FNIP1: variants seen among roughly 807,000 people sequenced by gnomAD.
FNIP1 encodes folliculin-interacting protein 1.
FNIP1 carries 40 observed loss-of-function variants against 124.5 expected under a neutral mutation model. That is an observed-to-expected ratio of 0.32 (90% CI 0.25 to 0.42). The LOEUF (loss-of-function observed/expected upper bound fraction) is 0.42. Ranked by LOEUF, FNIP1 falls within the 10% of genes least tolerant of loss-of-function variation. FNIP1 has a pLI of 1.00. For synonymous variants in FNIP1, 472 were observed against 470.6 expected (o/e 1.00, Z -0.04); for missense variants, 1,176 against 1,403.7 (o/e 0.84, Z 2.59).
chr5:131,747,078 T>G (rs1770708780), intron 1 of FNIP1, among the ~76,000 whole-genome samples: 1 of 152,230 alleles, frequency 6.6e-6, no homozygotes, highest in South Asian at 2.1e-4. Context: ...TGTCTTCTTT[T>G]GAGAACTGTC....
intron 15 of FNIP1, among the ~76,000 whole-genome samples, chr5:131,661,911 G>C (rs1384494022): frequency 6.6e-6 from 1 of 152,174 alleles, no homozygotes; most frequent in Non-Finnish European, 1.5e-5. Context: ...TAGTGATTCT[G>C]GTGTACTTTT....
At chr5:131,792,801 G>C (rs994804396) in intron 1 of FNIP1, among the ~76,000 whole-genome samples, 3 of 152,134 alleles carry the variant, frequency 2.0e-5, no homozygotes, top group African/African-American at 7.2e-5. Flanking sequence ...TTTATGTTTA[G>C]ACTTAGGTCC....
chr5:131,775,315 A>G (rs984793117), intron 1 of FNIP1, among the ~76,000 whole-genome samples: 4 of 152,154 alleles, frequency 2.6e-5, no homozygotes, highest in African/African-American at 9.7e-5. Context: ...AGAAAGTTGA[A>G]TAATCTTTCC....
At chr5:131,693,291 T>C (rs1226651194) in intron 11 of FNIP1, among the ~76,000 whole-genome samples, 1 of 35,480 alleles carries the variant, frequency 2.8e-5, no homozygotes, top group Non-Finnish European at 5.7e-5. Context: ...AATAGCTAAA[T>C]ATATACATAT....
At chr5:131,685,864 T>C (rs1412057714) in intron 11 of FNIP1, among the ~76,000 whole-genome samples, 2 of 152,172 alleles carry the variant, frequency 1.3e-5, no homozygotes, top group Non-Finnish European at 2.9e-5. Flanking sequence ...TAACTTTTCA[T>C]AGTTCTCAAA....
At chr5:131,740,995 G>C (rs886573646) in intron 2 of FNIP1, among the ~76,000 whole-genome samples, 6 of 152,158 alleles carry the variant, frequency 3.9e-5, no homozygotes, top group African/African-American at 1.4e-4. Flanking sequence ...AAAAATGGGA[G>C]GCATGAATAA....
At chr5:131,735,587 C>T (rs1770269851) in intron 2 of FNIP1, among the ~76,000 whole-genome samples, 1 of 147,172 alleles carries the variant, frequency 6.8e-6, no homozygotes, top group Non-Finnish European at 1.5e-5. Context: ...TACATATACA[C>T]GTATTTATAT....
chr5:131,750,767 C>A (rs1329606367), intron 1 of FNIP1, among the ~76,000 whole-genome samples: 1 of 152,044 alleles, frequency 6.6e-6, no homozygotes, highest in Non-Finnish European at 1.5e-5. Flanking sequence ...TATGTGCCAC[C>A]ACGCCCAGCT....
At position 131,672,824 on chromosome 5, in the gene FNIP1, A is replaced by C. The variant is rs1005478652; in HGVS notation, c.1620T>G (p.Thr540=). ...DMVQRLLYFL[T]YFIRCSELQE... The stretch of plus-strand genomic sequence containing the variant: ...GAAGTTCAGAGCATCTTATAAAATA[A>C]GTAAGAAAATAAAGTAGCCTCTGGA... The change falls in exon 14 of 18, where the codon ACT becomes ACG. Residue 540 remains threonine, a synonymous_variant. Coordinates refer to ENST00000510461, the MANE Select transcript of FNIP1 (RefSeq NM_133372.3). 1 of 1,613,274 alleles carries C rather than the reference A, an allele frequency of 6.2e-7. No individual in the cohort carries two copies. The highest frequency in any genetic ancestry group is 8.5e-7 in the Non-Finnish European group (1 of 1,179,752).
chr5:131,752,258 T>C (rs1770898359), intron 1 of FNIP1, among the ~76,000 whole-genome samples: 1 of 152,258 alleles, frequency 6.6e-6, no homozygotes, highest in South Asian at 2.1e-4. Flanking sequence ...TTAGCCAGGA[T>C]GGTCTTCATC....
chr5:131,667,839 C>T (rs929398617), intron 15 of FNIP1, among the ~76,000 whole-genome samples: 4 of 152,208 alleles, frequency 2.6e-5, no homozygotes, highest in African/African-American at 4.8e-5. Context: ...CCACCCACCT[C>T]GGCCTCCCAA....
chr5:131,651,821 T>C lies in FNIP1; in HGVS notation c.3287A>G (p.His1096Arg). 2.5e-6 allele frequency: 4 copies of C among 1,614,152 alleles called. No individual in the cohort carries two copies. Among genetic ancestry groups the C allele is most frequent in the Non-Finnish European group, 3.4e-6 (4 of 1,180,010 alleles). ...LLHSTLQLYK[H>R]NLSPNFCVMH... is the part of the protein sequence containing the mutation. The stretch of plus-strand genomic sequence containing the variant: ...ACTTACAAAATTTGGAGACAAGTTA[T>C]GCTTATAAAGCTGAAGTGTGGAATG... The change falls in exon 16 of 18, where the codon CAT (histidine) becomes CGT (arginine). Residue 1096 changes from histidine (H) to arginine (R), a missense_variant. Around this residue, in one of 2 missense-constraint regions of FNIP1, gnomAD observed 67 missense variants for 115.2 expected, o/e 0.58. Transcript: ENST00000510461.
intron 3 of FNIP1, among the ~76,000 whole-genome samples, chr5:131,729,604 G>T (rs1580791004): frequency 6.6e-6 from 1 of 152,044 alleles, no homozygotes; most frequent in South Asian, 2.1e-4. Context: ...TTGAGACAAG[G>T]TCTCACTCTG....
At chr5:131,716,789 C>A in intron 5 of FNIP1, 133 bp from the exon 6 acceptor site, 1 of 554,728 alleles carries the variant, frequency 1.8e-6, no homozygotes, top group East Asian at 3.1e-5. Flanking sequence ...CTAACATAAT[C>A]ATTTAAATCA....
chr5:131,785,076 TGA>T (rs1244042685), intron 1 of FNIP1, among the ~76,000 whole-genome samples: 1 of 13,476 alleles, frequency 7.4e-5, no homozygotes, highest in Non-Finnish European at 2.7e-4. Flanking sequence ...ATGATATATA[TGA>T]CATATATATA....
chr5:131,649,301 C>T (rs957717306), intron 16 of FNIP1, among the ~76,000 whole-genome samples: 3 of 152,208 alleles, frequency 2.0e-5, no homozygotes, highest in African/African-American at 7.2e-5. Flanking sequence ...AAGGTCACCA[C>T]ATCTTGGTCA....
intron 3 of FNIP1, among the ~76,000 whole-genome samples, chr5:131,729,230 T>C (rs1769993788): frequency 6.6e-6 from 1 of 152,196 alleles, no homozygotes; most frequent in Admixed American, 6.5e-5. Flanking sequence ...AGATCCACTG[T>C]TCTCTTCAGA....
chr5:131,726,229 TC>T (rs1769862247), intron 3 of FNIP1, among the ~76,000 whole-genome samples: 2 of 152,162 alleles, frequency 1.3e-5, no homozygotes, highest in African/African-American at 2.4e-5. Flanking sequence ...AGGGAGGATT[TC>T]CTTTTTTTCT....
intron 10 of FNIP1, among the ~76,000 whole-genome samples, chr5:131,699,842 G>C (rs1213991475): frequency 7.0e-6 from 1 of 142,580 alleles, no homozygotes; most frequent in Non-Finnish European, 1.5e-5. Flanking sequence ...CTTGAACCCA[G>C]AAGTCTGAAG....
Sources: allele counts gnomAD v4.1 joint callset (sites outside exome capture counted in the v4.1 genomes callset), GRCh38; gene constraint gnomAD v4.1.1; regional missense constraint gnomAD v4.1.1; transcripts MANE v1.5; gene names NCBI Gene and HGNC (gene_info 2026-07-23, HGNC 2026-07-21).